The following SSUH2 variants were observed in gnomAD, a reference collection of about 807,000 sequenced individuals.
The protein encoded by SSUH2 is ssu-2 homolog.
In SSUH2, 47 loss-of-function variants were observed where a neutral mutation model predicts 55.3. The observed-to-expected ratio is 0.85, with a 90% CI of 0.67 to 1.08. The LOEUF is 1.08. Ranked by LOEUF, SSUH2 falls within the 50% of genes least tolerant of loss-of-function variation. SSUH2 has a pLI of 0.00. For synonymous variants in SSUH2, 212 were observed against 191.5 expected (o/e 1.11, Z -0.89); for missense variants, 535 against 490.7 (o/e 1.09, Z -0.85).
chr3:8,633,772 ACCT>A lies in SSUH2; in HGVS notation c.230_232del (p.Glu77del). 6.2e-7 allele frequency: 1 copy of A among 1,611,594 alleles called. No individual in the cohort carries two copies. The highest frequency in any genetic ancestry group is 8.5e-7 in the Non-Finnish European group (1 of 1,178,576). On this transcript the variant is annotated inframe_deletion, in exon 4 of 12. Transcript: ENST00000544814. Reference sequence around the variant, plus strand: ...AAAGCTGAGGAGGGCTTCCCGGGCCACCTCCTCCGTCATCGCAGGGACTCTGCA... The same window carrying A: ...AAAGCTGAGGAGGGCTTCCCGGGCCACCTCCGTCATCGCAGGGACTCTGCA...
intron 1 of SSUH2, among the ~76,000 whole-genome samples, chr3:8,681,112 T>A (rs757007770): frequency 0.012 from 1,059 of 89,052 alleles, 119 homozygotes; most frequent in Middle Eastern, 0.05. Flanking sequence ...CGAGGCGGGT[T>A]CTGAGAGCCA....
chr3:8,644,873 G>A (rs926116618), upstream of SSUH2: 7 of 850,810 alleles, frequency 8.2e-6, no homozygotes, highest in African/African-American at 1.2e-4. Flanking sequence ...TTACCCAGTT[G>A]GAATACAACA....
At chr3:8,638,805 G>C (rs577695403) in intron 1 of SSUH2, among the ~76,000 whole-genome samples, 3 of 152,284 alleles carry the variant, frequency 2.0e-5, no homozygotes, top group Admixed American at 6.5e-5. Context: ...AGCATAGAAA[G>C]ACTGTCACAG....
chr3:8,633,880 GC>G (rs1699399205), intron 3 of SSUH2, 85 bp from the exon 4 acceptor site: 1 of 1,613,830 alleles, frequency 6.2e-7, no homozygotes. Context: ...CAACGTGCAG[GC>G]GAGAAACTGA....
At chr3:8,646,648 C>T (rs187722361), upstream of SSUH2, among the ~76,000 whole-genome samples, 22 of 152,300 alleles carry the variant, frequency 1.4e-4, no homozygotes, top group African/African-American at 4.8e-4. Flanking sequence ...GGCATCCGTA[C>T]AGAAGTGCTG....
At chr3:8,674,177 G>T (rs142930057) in intron 3 of SSUH2, among the ~76,000 whole-genome samples, 2,666 of 152,198 alleles carry the variant, frequency 0.018, 81 homozygotes, top group African/African-American at 0.061. Context: ...TGACCTGTTT[G>T]TTAGCTGCAG....
At chr3:8,648,113 A>G (rs1701939353), upstream of SSUH2, among the ~76,000 whole-genome samples, 2 of 152,310 alleles carry the variant, frequency 1.3e-5, no homozygotes, top group East Asian at 1.9e-4. Context: ...AGGAAGGGAG[A>G]TGCGTTCACA....
In SSUH2 at chr3:8,635,842, C is replaced by T; in HGVS notation, c.44G>A (p.Ser15Asn). The T allele has an allele frequency of 6.5e-7, 1 of 1,536,038 alleles. No individual in the cohort carries two copies. Among genetic ancestry groups the T allele is most frequent in the Non-Finnish European group, 8.7e-7 (1 of 1,146,852 alleles). Reference protein sequence around the residue: ...LNEDDSVVDLSFEAESPLAPP... With the variant: ...LNEDDSVVDLNFEAESPLAPP... ...CGCCAGAGGACTCTCGGCCTCAAAA[C>T]TGAGGTCCACCACACCTGCAGAAAG... Residue 15 changes from serine (S) to asparagine (N), a missense_variant, in exon 2 of 12, where the codon AGT becomes AAT. Transcript: ENST00000544814.
chr3:8,620,151 C>G, intron 11 of SSUH2, 137 bp from the exon 12 acceptor site: 1 of 883,400 alleles, frequency 1.1e-6, no homozygotes, highest in Non-Finnish European at 1.7e-6. Context: ...TGGTTTGGCT[C>G]TGTGTTCCCA....
rs1306391533 is a variant in SSUH2 at position 8,679,206 on chromosome 3, C to G, written c.-901+499G>C. On this transcript the variant is annotated intron_variant, in intron 2 of 18. Coordinates refer to the SSUH2 transcript ENST00000317371. Reference sequence around the variant, plus strand: ...ACACTGGCTCTTGGGACCCCCATCGCAGGGGGGATGGCACCCTCCGTGAGC... The same window carrying G: ...ACACTGGCTCTTGGGACCCCCATCGGAGGGGGGATGGCACCCTCCGTGAGC... Among the ~76,000 whole-genome samples, 6 of 52,022 alleles carry G rather than the reference C, an allele frequency of 1.2e-4. 2 individuals carry two copies. Among genetic ancestry groups the G allele is most frequent in the Non-Finnish European group, 2.1e-4 (5 of 24,198 alleles). The allele number at this position is 52,022 out of a possible 152,430, so 34.1% of individuals were successfully genotyped here. A position where few individuals can be genotyped will look rare whatever the true frequency, so the allele number is the denominator to read the frequency against.
chr3:8,629,852 A>T, intron 6 of SSUH2, 126 bp from the exon 7 acceptor site: 1 of 841,196 alleles, frequency 1.2e-6, no homozygotes, highest in Non-Finnish European at 2.0e-6. Context: ...CACAGGAAAG[A>T]AATGGCCCTT....
chr3:8,678,624 G>T lies in SSUH2; in HGVS notation c.-901+1081C>A, dbSNP rs373033182. On this transcript the variant is annotated intron_variant, in intron 2 of 18. Transcript: ENST00000317371. ...TGAGAGCCAGCCCTTCTTCCCCCCC[G>T]GCTTTTGGGACCCCCATCGCAGTGG... 2.6e-3 allele frequency among the ~76,000 whole-genome samples: 83 copies of T among 32,316 alleles called. 4 individuals are homozygous for T. Among genetic ancestry groups the T allele is most frequent in the Middle Eastern group, 0.071 (2 of 28 alleles). 21.2% of individuals were successfully genotyped at this position (32,316 alleles called of 152,430 possible). A position where few individuals can be genotyped will look rare whatever the true frequency, so the allele number is the denominator to read the frequency against.
At chr3:8,631,364 A>G (rs1269088255) in intron 5 of SSUH2, among the ~76,000 whole-genome samples, 1 of 152,158 alleles carries the variant, frequency 6.6e-6, no homozygotes, top group African/African-American at 2.4e-5. Flanking sequence ...TCACCATCCC[A>G]TCTTCTTCCT....
At chr3:8,626,426 G>GC (rs1489438057) in intron 8 of SSUH2, 105 bp from the exon 9 acceptor site, 2 of 808,902 alleles carry the variant, frequency 2.5e-6, no homozygotes, top group Non-Finnish European at 4.2e-6. Context: ...ACTGTGGTGG[G>GC]CCTGCATTGT....
In SSUH2 at chr3:8,629,738, A is replaced by G; in HGVS notation, c.526-12T>C. On this transcript the variant is annotated splice_polypyrimidine_tract_variant and intron_variant, in intron 6 of 11. Transcript: ENST00000544814. ...CATTTGTGGCATTCCTGAAAGTGCA[A>G]CGCTTTCTTGGGATCTAGTTTCCCA... The G allele has an allele frequency of 6.2e-7, 1 of 1,613,988 alleles. No individual in the cohort carries two copies. Among genetic ancestry groups the G allele is most frequent in the South Asian group, 1.1e-5 (1 of 91,068 alleles).
At chr3:8,628,089 G>A (rs1001158927) in intron 7 of SSUH2, among the ~76,000 whole-genome samples, 1 of 152,178 alleles carries the variant, frequency 6.6e-6, no homozygotes, top group Admixed American at 6.5e-5. Context: ...TGGGACACAG[G>A]CGCTGGTCAG....
intron 6 of SSUH2, chr3:8,659,458 C>A (rs1383764394): frequency 5.0e-6 from 1 of 198,144 alleles, no homozygotes; most frequent in East Asian, 1.6e-4. Flanking sequence ...TCTCCCCCTG[C>A]CCAGAGCAGA....
At chr3:8,653,687 T>G (rs1005491782) in intron 7 of SSUH2, among the ~76,000 whole-genome samples, 1 of 152,262 alleles carries the variant, frequency 6.6e-6, no homozygotes, top group Non-Finnish European at 1.5e-5. Context: ...TTACTGATAA[T>G]TTTTGAATGA....
intron 3 of SSUH2, among the ~76,000 whole-genome samples, chr3:8,674,795 G>A (rs1243147958): frequency 6.6e-6 from 1 of 152,022 alleles, no homozygotes; most frequent in Admixed American, 6.5e-5. Flanking sequence ...TCCCCCGAGA[G>A]GAGGAATGGA....
Sources: gnomAD v4.1 joint callset for allele counts (sites outside exome capture counted in the v4.1 genomes callset) on GRCh38, gnomAD v4.1.1 for gene constraint, MANE v1.5 for transcripts, NCBI Gene and HGNC (gene_info 2026-07-23, HGNC 2026-07-21) for gene names.